The following ANO1 variants were observed in gnomAD, a reference collection of about 807,000 sequenced individuals.
ANO1 encodes the protein anoctamin 1, also known as anoctamin-1.
In ANO1, 59 loss-of-function variants were observed where a neutral mutation model predicts 124.0. That is an observed-to-expected ratio of 0.48 (90% CI 0.39 to 0.59). The LOEUF (loss-of-function observed/expected upper bound fraction) is 0.59, where lower values mean the gene tolerates loss of function less well. Ranked by LOEUF, ANO1 falls within the 20% of genes least tolerant of loss-of-function variation. The probability of loss-of-function intolerance (pLI) is 0.00; values close to 1 mark genes in which losing one functional copy is unlikely to be tolerated. For missense variants in ANO1, 1,059 were observed against 1,328.0 expected (o/e 0.80, Z 3.15); for synonymous variants, 529 against 532.0 (o/e 0.99, Z 0.08).
chr11:70,175,640 G>T (rs907602407), intron 22 of ANO1, among the ~76,000 whole-genome samples: 1 of 152,354 alleles, frequency 6.6e-6, no homozygotes, highest in East Asian at 1.9e-4. Flanking sequence ...TGGTGGGAAA[G>T]TGCAGCCTCC....
chr11:70,152,413 T>C, intron 12 of ANO1, 37 bp from the exon 13 acceptor site: 1 of 1,603,980 alleles, frequency 6.2e-7, no homozygotes, highest in Non-Finnish European at 8.5e-7. Context: ...TAATGACATC[T>C]TTGTGTTTTT....
At chr11:70,008,331 T>A (rs34174364) in intron 1 of ANO1, among the ~76,000 whole-genome samples, 1 of 152,230 alleles carries the variant, frequency 6.6e-6, no homozygotes, top group African/African-American at 2.4e-5. Flanking sequence ...AGTCATGTCA[T>A]AAGTTTCTGC....
chr11:70,096,253 T>C (rs2044952696), intron 2 of ANO1, among the ~76,000 whole-genome samples: 1 of 152,202 alleles, frequency 6.6e-6, no homozygotes, highest in Non-Finnish European at 1.5e-5. Flanking sequence ...CAGTCTGAGG[T>C]GCCCAGGTCT....
intron 1 of ANO1, among the ~76,000 whole-genome samples, chr11:70,060,525 C>T (rs1435834274): frequency 6.6e-6 from 1 of 152,158 alleles, no homozygotes; most frequent in Non-Finnish European, 1.5e-5. Context: ...AAATTGGGCC[C>T]ATGGTAATAG....
At chr11:70,179,082 G>C (rs1157061450) in intron 22 of ANO1, among the ~76,000 whole-genome samples, 1 of 152,210 alleles carries the variant, frequency 6.6e-6, no homozygotes, top group Admixed American at 6.5e-5. Flanking sequence ...TCAGCTACTA[G>C]GGCAGAAGCG....
At chr11:70,013,492 G>A (rs1379337954) in intron 1 of ANO1, among the ~76,000 whole-genome samples, 2 of 152,154 alleles carry the variant, frequency 1.3e-5, no homozygotes, top group African/African-American at 4.8e-5. Context: ...CAAAGTGTCA[G>A]CTGGGCGTGG....
chr11:69,984,350 G>C (rs1388125784), upstream of ANO1, among the ~76,000 whole-genome samples: 1 of 44,090 alleles, frequency 2.3e-5, no homozygotes, highest in African/African-American at 5.4e-5. Flanking sequence ...AATCCCACTT[G>C]AGTGCCTGTG....
chr11:70,094,614 G>C (rs11233898), intron 2 of ANO1, among the ~76,000 whole-genome samples: 1 of 152,072 alleles, frequency 6.6e-6, no homozygotes, highest in Admixed American at 6.5e-5. Flanking sequence ...AGAGTGGCAC[G>C]TCTGGCCTTT....
intron 1 of ANO1, among the ~76,000 whole-genome samples, chr11:70,023,263 G>A (rs1034583022): frequency 2.0e-5 from 3 of 152,174 alleles, no homozygotes; most frequent in African/African-American, 2.4e-5. Flanking sequence ...TTGTTGGACC[G>A]GCATGTGTTA....
intron 1 of ANO1, among the ~76,000 whole-genome samples, chr11:70,060,391 G>A (rs1273463370): frequency 1.3e-5 from 2 of 152,176 alleles, no homozygotes; most frequent in Non-Finnish European, 2.9e-5. Flanking sequence ...TAAACCAAGT[G>A]TGGTCTGGGT....
Position 69,987,604 on chromosome 11 carries a change from C to CAAAAA in ANO1, c.58+1466_58+1470dup, listed in dbSNP as rs202001305. Among the ~76,000 whole-genome samples the CAAAAA allele has an allele frequency of 1.2e-4, 13 of 109,716 alleles. 1 individual carries two copies. The highest frequency in any genetic ancestry group is 5.1e-4 in the African/African-American group (12 of 23,338). 72.0% of individuals were successfully genotyped at this position (109,716 alleles called of 152,430 possible). On this transcript the variant is annotated intron_variant, in intron 1 of 27. Coordinates refer to the ANO1 transcript ENST00000531349. The stretch of plus-strand genomic sequence containing the variant: ...TGGGTAACAGAGCAAGACCATGTCT[C>CAAAAA]AAAAAAAAAAAAAAAAAAAAAAAAA...
chr11:70,091,371 T>G (rs1286653085), intron 2 of ANO1, among the ~76,000 whole-genome samples: 1 of 152,176 alleles, frequency 6.6e-6, no homozygotes, highest in African/African-American at 2.4e-5. Context: ...TCACACTGTC[T>G]ATGACACCCA....
intron 1 of ANO1, among the ~76,000 whole-genome samples, chr11:70,007,179 C>T (rs879987002): frequency 6.6e-6 from 1 of 151,954 alleles, no homozygotes; most frequent in Non-Finnish European, 1.5e-5. Context: ...TGGAATCCAA[C>T]AGTAACTGTC....
upstream of ANO1, among the ~76,000 whole-genome samples, chr11:69,982,940 G>A (rs139508702): frequency 4.0e-3 from 616 of 152,294 alleles, 1 homozygote; most frequent in Non-Finnish European, 6.9e-3. Flanking sequence ...AGTGACAGTG[G>A]GGGCAGGGTG....
intron 18 of ANO1, among the ~76,000 whole-genome samples, chr11:70,162,325 AC>A (rs1233487934): frequency 4.0e-5 from 6 of 151,804 alleles, no homozygotes; most frequent in Non-Finnish European, 8.8e-5. Context: ...GGCAGAGGGG[AC>A]CCCAGGGACT....
chr11:70,184,238 C>G (rs941446832), intron 24 of ANO1, among the ~76,000 whole-genome samples: 2 of 152,218 alleles, frequency 1.3e-5, no homozygotes, highest in Non-Finnish European at 2.9e-5. Flanking sequence ...GTGGCATCCC[C>G]CAGATTCAGG....
rs1047297592 is a variant in ANO1, at chr11:70,188,830, G to A, written c.*826G>A. 6.6e-6 allele frequency: 1 copy of A among 152,076 alleles called. No homozygotes were observed. Among genetic ancestry groups the A allele is most frequent in the Non-Finnish European group, 1.5e-5 (1 of 67,898 alleles). 9.4% of individuals were successfully genotyped at this position (152,076 alleles called of 1,614,324 possible). A position where few individuals can be genotyped will look rare whatever the true frequency, so the allele number is the denominator to read the frequency against. On this transcript the variant is annotated 3_prime_UTR_variant, in exon 26 of 26. Transcript: ENST00000355303. The stretch of plus-strand genomic sequence containing the variant: ...AAGCATTTCCACAGATGGTGTCAGG[G>A]TTTCAAGAAGTCTTAGGGCTTCCAG...
intron 1 of ANO1, among the ~76,000 whole-genome samples, chr11:69,994,708 A>C (rs2375286): frequency 0.87 from 132,474 of 152,008 alleles, 58,294 homozygotes; most frequent in East Asian, 0.99. Context: ...TCAAAAATAG[A>C]CCCAAACTGC....
chr11:70,187,396 G>GT (rs2049175501), intron 25 of ANO1, among the ~76,000 whole-genome samples: 1 of 152,226 alleles, frequency 6.6e-6, no homozygotes, highest in Non-Finnish European at 1.5e-5. Context: ...GCTATTTCCA[G>GT]TTTCATGTTT....
Sources: gnomAD v4.1 joint callset for allele counts (sites outside exome capture counted in the v4.1 genomes callset) on GRCh38, gnomAD v4.1.1 for gene constraint, MANE v1.5 for transcripts, NCBI Gene and HGNC (gene_info 2026-07-23, HGNC 2026-07-21) for gene names.